LPA: variants seen among roughly 807,000 people sequenced by gnomAD.
LPA encodes lipoprotein(a).
In LPA, 199 loss-of-function variants were observed where a neutral mutation model predicts 197.9. The observed-to-expected ratio is 1.01, with a 90% CI of 0.90 to 1.13. The LOEUF is 1.13. Ranked by LOEUF, LPA falls within the 50% of genes most tolerant of loss-of-function variation. The pLI is 0.00. For synonymous variants in LPA, 715 were observed against 639.5 expected, an observed-to-expected ratio of 1.12 and a Z score of -1.78; for missense variants, 1,853 against 1,785.8, an observed-to-expected ratio of 1.04 and a Z score of -0.68.
At position 160,610,806 on chromosome 6, in the gene LPA, G is replaced by C. The variant is rs370186443; in HGVS notation, c.2603+756C>G. On this transcript the variant is annotated intron_variant, in intron 16 of 38. Coordinates refer to ENST00000316300, the MANE Select transcript of LPA (RefSeq NM_005577.4). ...AAGGGTATCCAGGAAGAAAGCCAAG[G>C]CATCTATGGAGTTGAGCTCATCATT... 3.3e-5 allele frequency among the ~76,000 whole-genome samples: 5 copies of C among 152,224 alleles called. 1 individual carries two copies. Among genetic ancestry groups the C allele is most frequent in the African/African-American group, 1.2e-4 (5 of 41,498 alleles).
intron 28 of LPA, among the ~76,000 whole-genome samples, chr6:160,568,632 G>A (rs1021826866): frequency 8.5e-5 from 13 of 152,112 alleles, no homozygotes; most frequent in Non-Finnish European, 1.9e-4. Flanking sequence ...GGAAGTTCTG[G>A]CCAGGGCAAT....
At chr6:160,604,458 C>A (rs1254953801) in intron 18 of LPA, among the ~76,000 whole-genome samples, 2 of 152,140 alleles carry the variant, frequency 1.3e-5, no homozygotes, top group Admixed American at 1.3e-4. Context: ...TCCATCTATC[C>A]ACCCTTTTAC....
intron 1 of LPA, among the ~76,000 whole-genome samples, chr6:160,655,800 A>T (rs1780122176): frequency 6.6e-6 from 1 of 152,204 alleles, no homozygotes; most frequent in South Asian, 2.1e-4. Flanking sequence ...TCATAATGTC[A>T]TGAATGTAAT....
At chr6:160,590,634 A>T (rs749768989) in intron 23 of LPA, among the ~76,000 whole-genome samples, 1 of 152,186 alleles carries the variant, frequency 6.6e-6, no homozygotes, top group Non-Finnish European at 1.5e-5. Flanking sequence ...ATCATCACAA[A>T]TTTGGCAGGA....
intron 23 of LPA, 150 bp from the exon 24 acceptor site, chr6:160,589,862 A>G (rs1778992423): frequency 1.1e-6 from 1 of 885,874 alleles, no homozygotes; most frequent in East Asian, 2.6e-5. Context: ...TGCCAATAAC[A>G]AAGCTCAAAG....
At chr6:160,566,645 T>A (rs938460203) in intron 28 of LPA, among the ~76,000 whole-genome samples, 2 of 152,136 alleles carry the variant, frequency 1.3e-5, no homozygotes, top group African/African-American at 4.8e-5. Flanking sequence ...ATAAAAATAT[T>A]AACCTTAAAT....
At chr6:160,594,741 A>G (rs1779097045) in intron 21 of LPA, among the ~76,000 whole-genome samples, 1 of 152,194 alleles carries the variant, frequency 6.6e-6, no homozygotes, top group South Asian at 2.1e-4. Flanking sequence ...AGACCAACAC[A>G]GATATATGTT....
intron 26 of LPA, 69 bp from the exon 27 acceptor site, chr6:160,578,773 C>A: frequency 6.2e-7 from 1 of 1,608,802 alleles, no homozygotes. Context: ...GCGCCCTCTA[C>A]ATTTTGCTGT....
intron 20 of LPA, among the ~76,000 whole-genome samples, chr6:160,597,371 A>G (rs1341606768): frequency 6.6e-6 from 1 of 152,222 alleles, no homozygotes; most frequent in African/African-American, 2.4e-5. Flanking sequence ...AGGGTAAAAC[A>G]CATTGAGCAT....
chr6:160,598,695 C>A (rs1237454761), intron 20 of LPA, among the ~76,000 whole-genome samples: 1 of 152,164 alleles, frequency 6.6e-6, no homozygotes, highest in African/African-American at 2.4e-5. Flanking sequence ...TGCCTTTGTT[C>A]TTCTCCTCTG....
chr6:160,573,297 T>A (rs1239745511), intron 28 of LPA, among the ~76,000 whole-genome samples: 4 of 152,308 alleles, frequency 2.6e-5, no homozygotes, highest in East Asian at 1.9e-4. Flanking sequence ...ATTGTTTTTT[T>A]ATTAAGCTAT....
intron 22 of LPA, among the ~76,000 whole-genome samples, 163 bp from the exon 23 acceptor site, chr6:160,591,264 T>G (rs1469529238): frequency 6.6e-6 from 1 of 152,212 alleles, no homozygotes; most frequent in African/African-American, 2.4e-5. Context: ...TCTAAACAAC[T>G]GTGAACATTT....
rs1262995153 is a variant in LPA at position 160,594,030 on chromosome 6, C to T, written c.3557G>A (p.Gly1186Glu). ...AGAGGACCAAGACTGACATGTCCTTCCTGTGACAGTGGTAGAGAATGAGCC... is the reference window on the plus strand; with the variant it reads ...AGAGGACCAAGACTGACATGTCCTTTCTGTGACAGTGGTAGAGAATGAGCC... ...YRGSFSTTVTGRTCQSWSSMT... is the reference protein window; with the variant it reads ...YRGSFSTTVTERTCQSWSSMT... Residue 1186 changes from glycine to glutamate, a missense_variant, in exon 22 of 39, where the codon GGA (glycine) becomes GAA (glutamate). Gly to Glu is a moderately conservative substitution (Grantham distance 98). Coordinates refer to ENST00000316300, the MANE Select transcript of LPA (RefSeq NM_005577.4). 1 of 1,613,962 alleles carries T rather than the reference C, an allele frequency of 6.2e-7. No individual in the cohort carries two copies. Among genetic ancestry groups the T allele is most frequent in the African/African-American group, 1.3e-5 (1 of 75,038 alleles).
Position 160,589,703 on chromosome 6 carries a change from T to A in LPA, c.3797A>T (p.Glu1266Val). The change falls in exon 24 of 39, where the codon GAG (glutamate) becomes GTG (valine). Residue 1266 changes from glutamate to valine, a missense_variant. Glu to Val is a moderately radical substitution (Grantham distance 121). Transcript: ENST00000316300. Reference protein sequence around the residue: ...STAVSEQAPTEQSPTVQDCYH... With the variant: ...STAVSEQAPTVQSPTVQDCYH... ...GCAGTCCTGGACTGTGGGGCTTTGC[T>A]CCGTTGGTGCTGAAATTCAAAGAGG... 1 of 1,613,822 alleles carries A rather than the reference T, an allele frequency of 6.2e-7. No individual in the cohort carries two copies. The highest frequency in any genetic ancestry group is 8.5e-7 in the Non-Finnish European group (1 of 1,179,808).
At chr6:160,659,173 C>T (rs1408795683) in intron 1 of LPA, among the ~76,000 whole-genome samples, 1 of 152,166 alleles carries the variant, frequency 6.6e-6, no homozygotes, top group Non-Finnish European at 1.5e-5. Flanking sequence ...AGCCTTTTTA[C>T]ATTTTTCTGC....
chr6:160,584,636 T>C (rs945707182), intron 26 of LPA, among the ~76,000 whole-genome samples: 1 of 152,120 alleles, frequency 6.6e-6, no homozygotes. Context: ...CCAGCCTGAA[T>C]TTGTTACTTC....
intron 20 of LPA, 89 bp downstream of exon 20, chr6:160,599,411 A>G (rs1335009034): frequency 6.4e-7 from 1 of 1,563,380 alleles, no homozygotes; most frequent in African/African-American, 1.4e-5. Flanking sequence ...AGCCAAGTTG[A>G]GTCCTGAGCA....
intron 18 of LPA, among the ~76,000 whole-genome samples, chr6:160,603,008 T>G (rs1187814131): frequency 6.6e-6 from 1 of 151,612 alleles, no homozygotes; most frequent in African/African-American, 2.4e-5. Flanking sequence ...TTTTTTTTTT[T>G]TTTTTGGAAA....
intron 16 of LPA, 100 bp from the exon 17 acceptor site, chr6:160,606,758 C>T (rs1779363605): frequency 2.0e-6 from 3 of 1,520,702 alleles, no homozygotes; most frequent in Admixed American, 1.7e-5. Flanking sequence ...TTACCAGTGC[C>T]TTTCTAATAT....
Sources: allele counts gnomAD v4.1 joint callset (sites outside exome capture counted in the v4.1 genomes callset), GRCh38; gene constraint gnomAD v4.1.1; transcripts MANE v1.5; gene names NCBI Gene and HGNC (gene_info 2026-07-23, HGNC 2026-07-21).